Variants in USP14 observed in about 807,000 individuals in gnomAD.
USP14 encodes the protein ubiquitin specific peptidase 14, also known as ubiquitin carboxyl-terminal hydrolase 14.
A neutral mutation model predicts 76.5 loss-of-function variants in USP14; 38 were observed. The ratio of observed to expected loss-of-function variants is 0.50; its 90% CI spans 0.38 to 0.65. The LOEUF (loss-of-function observed/expected upper bound fraction) is 0.65, where lower values mean the gene tolerates loss of function less well. Among genes scored for constraint, USP14 ranks in the 30% least tolerant of loss-of-function variants. USP14 has a pLI of 0.00. For missense variants in USP14, 467 were observed against 586.5 expected, an observed-to-expected ratio of 0.80 and a Z score of 2.10; for synonymous variants, 192 against 191.7, an observed-to-expected ratio of 1.00 and a Z score of -0.01.
Position 210,014 on chromosome 18 carries a change from C to T in USP14, c.1208C>T (p.Pro403Leu). 6 of 1,603,200 alleles carry T rather than the reference C, an allele frequency of 3.7e-6. No homozygotes were observed. The highest frequency in any genetic ancestry group is 2.3e-5 in the East Asian group (1 of 44,312). The change falls in exon 14 of 16, where the codon CCC becomes CTC. Residue 403 changes from proline (P) to leucine (L), a missense_variant. Coordinates refer to ENST00000261601, the MANE Select transcript of USP14 (RefSeq NM_005151.4). ...SSPQKEVKYEPFSFADDIGSN... is the reference protein window; with the variant it reads ...SSPQKEVKYELFSFADDIGSN... ...CCCCAGAAAGAAGTTAAGTATGAAC[C>T]CTTTTCTTTTGCTGATGGTAAGTAA...
rs1482792540 is a variant in USP14, at chr18:203,100, C to T, written c.945C>T (p.Ser315=). 6.2e-7 allele frequency: 1 copy of T among 1,613,914 alleles called. No homozygotes were observed. Among genetic ancestry groups the T allele is most frequent in the South Asian group, 1.1e-5 (1 of 90,982 alleles). The change falls in exon 12 of 16, where the codon TCC becomes TCT. Residue 315 remains serine, a splice_region_variant and synonymous_variant. Coordinates refer to ENST00000261601, the MANE Select transcript of USP14 (RefSeq NM_005151.4). ...TTCTTTACATTTTGTCTCCTCAGTC[C>T]AAGATCAGCCGGCTGCCTGCTTACT... The part of the protein sequence containing the change: ...LQRNALYIKS[S]KISRLPAYLT...
chr18:201,695 T>C (rs1215105409), intron 10 of USP14, among the ~76,000 whole-genome samples: 1 of 152,038 alleles, frequency 6.6e-6, no homozygotes, highest in Non-Finnish European at 1.5e-5. Flanking sequence ...AACTGGAGAG[T>C]GTGGAGTGGA....
intron 5 of USP14, among the ~76,000 whole-genome samples, chr18:185,701 T>C (rs1424374577): frequency 6.6e-6 from 1 of 151,992 alleles, no homozygotes; most frequent in African/African-American, 2.4e-5. Context: ...AATTTTAAAT[T>C]ATTTTTTATT....
intron 4 of USP14, among the ~76,000 whole-genome samples, chr18:179,418 T>C (rs1280320219): frequency 1.3e-5 from 2 of 152,104 alleles, no homozygotes; most frequent in Non-Finnish European, 2.9e-5. Flanking sequence ...GTAGTTTAAA[T>C]GTTGGGATAT....
intron 3 of USP14, among the ~76,000 whole-genome samples, chr18:167,231 G>A (rs1471313722): frequency 6.6e-6 from 1 of 152,114 alleles, no homozygotes; most frequent in Non-Finnish European, 1.5e-5. Flanking sequence ...GCAGTGAGCC[G>A]AGATCGTGCC....
In USP14 at chr18:196,584, G is replaced by A. The variant is rs912122671; in HGVS notation, c.464-53G>A. On this transcript the variant is annotated intron_variant, in intron 6 of 15. Coordinates refer to ENST00000261601, the MANE Select transcript of USP14 (RefSeq NM_005151.4). ...TTAATTAAAATTAATTTACAGTCGC[G>A]TGTATTAAATATGTGACTGTTTTAC... The A allele has an allele frequency of 2.3e-4, 351 of 1,535,762 alleles. 1 individual carries two copies. The highest frequency in any genetic ancestry group is 3.8e-4 in the African/African-American group (27 of 71,078).
chr18:197,968 A>G (rs1428317584), intron 8 of USP14, 79 bp from the exon 9 acceptor site: 1 of 1,236,968 alleles, frequency 8.1e-7, no homozygotes, highest in Non-Finnish European at 1.1e-6. Flanking sequence ...AAAAATATGT[A>G]TTACTAAACT....
chr18:164,242 G>A (rs2144208272), intron 2 of USP14, among the ~76,000 whole-genome samples: 1 of 152,032 alleles, frequency 6.6e-6, no homozygotes, highest in African/African-American at 2.4e-5. Context: ...TCTGTAATGA[G>A]GTTGGAAAAT....
At position 172,469 on chromosome 18, in the gene USP14, G is replaced by A. The variant is rs140672218; in HGVS notation, c.195+5650G>A. 2.6e-3 allele frequency among the ~76,000 whole-genome samples: 394 copies of A among 152,304 alleles called. 3 individuals are homozygous for A. The highest frequency in any genetic ancestry group is 9.1e-3 in the African/African-American group (379 of 41,568). Reference sequence around the variant, plus strand: ...ATAAAGCAGCAGCAGGATTTGAGAGGTTTGACTCCAGTTTCGAAAGAAGTC... The same window carrying A: ...ATAAAGCAGCAGCAGGATTTGAGAGATTTGACTCCAGTTTCGAAAGAAGTC... On this transcript the variant is annotated intron_variant, in intron 3 of 15. Transcript: ENST00000261601.
At chr18:171,268 A>AAGCCTTTCAT (rs962476437) in intron 3 of USP14, among the ~76,000 whole-genome samples, 6 of 151,962 alleles carry the variant, frequency 3.9e-5, no homozygotes, top group South Asian at 4.1e-4. Flanking sequence ...GATGCTGTCT[A>AAGCCTTTCAT]AGCCTTTCAT....
At chr18:200,194 A>T (rs891251286) in intron 10 of USP14, among the ~76,000 whole-genome samples, 2 of 152,148 alleles carry the variant, frequency 1.3e-5, no homozygotes, top group Non-Finnish European at 2.9e-5. Context: ...AGTTGTTTTC[A>T]TGGGCCCTAT....
At chr18:170,459 G>C (rs891567136) in intron 3 of USP14, among the ~76,000 whole-genome samples, 1 of 152,174 alleles carries the variant, frequency 6.6e-6, no homozygotes, top group Non-Finnish European at 1.5e-5. Context: ...CAGTCCAAAA[G>C]CTAGGCATTT....
rs1391390880 is a variant in USP14 at position 158,673 on chromosome 18, GCCGCCGCCTC to G, written c.-18_-9del. The G allele has an allele frequency of 3.9e-6, 6 of 1,519,266 alleles. No homozygotes were observed. The highest frequency in any genetic ancestry group is 5.3e-6 in the Non-Finnish European group (6 of 1,141,652). The allele number at this position is 1,519,266 out of a possible 1,614,324, so 94.1% of individuals were successfully genotyped here. A position where few individuals can be genotyped will look rare whatever the true frequency, so the allele number is the denominator to read the frequency against. Reference sequence around the variant, plus strand: ...CCCTCGTCAGGCCCAGCTCTCCTGCGCCGCCGCCTCCCGCCGCGCCCCGCCATGCCGCTCT... The same window carrying G: ...CCCTCGTCAGGCCCAGCTCTCCTGCGCCGCCGCGCCCCGCCATGCCGCTCT... On this transcript the variant is annotated 5_prime_UTR_variant, in exon 1 of 16. Transcript: ENST00000261601.
intron 3 of USP14, among the ~76,000 whole-genome samples, chr18:178,113 C>T (rs1192757674): frequency 6.6e-6 from 1 of 152,102 alleles, no homozygotes; most frequent in Non-Finnish European, 1.5e-5. Flanking sequence ...CTCAACCTCC[C>T]AGGCTCCAGT....
At chr18:201,891 A>G (rs762856389) in intron 10 of USP14, among the ~76,000 whole-genome samples, 2 of 152,160 alleles carry the variant, frequency 1.3e-5, no homozygotes, top group Non-Finnish European at 2.9e-5. Flanking sequence ...AACTTTTAAG[A>G]TATTTTATCT....
chr18:193,357 T>C (rs1910144056), intron 6 of USP14, among the ~76,000 whole-genome samples: 1 of 152,160 alleles, frequency 6.6e-6, no homozygotes, highest in Non-Finnish European at 1.5e-5. Flanking sequence ...ATTTTGGACA[T>C]TTTAATACTG....
intron 3 of USP14, among the ~76,000 whole-genome samples, chr18:167,214 G>A (rs568614257): frequency 1.3e-5 from 2 of 152,220 alleles, no homozygotes; most frequent in East Asian, 1.9e-4. Context: ...CCTGGGAGGC[G>A]GAGATTGCAG....
At position 166,794 on chromosome 18, in the gene USP14, A is replaced by G. The variant is rs1405720641; in HGVS notation, c.170A>G (p.Asp57Gly). Residue 57 changes from aspartate (D) to glycine (G), a missense_variant, in exon 3 of 16, where the codon GAT (aspartate) becomes GGT (glycine). Transcript: ENST00000261601. ...MVKGGTLKDD[D>G]WGNIKIKNGM... is the part of the protein sequence containing the mutation. Reference sequence around the variant, plus strand: ...TGTTTGTCTTTGAAACAGGATGATGATTGGGGAAACATCAAAATAAAAAAT... The same window carrying G: ...TGTTTGTCTTTGAAACAGGATGATGGTTGGGGAAACATCAAAATAAAAAAT... The G allele has an allele frequency of 3.1e-6, 5 of 1,612,156 alleles. No individual in the cohort carries two copies. In the Admixed American group the frequency reaches 8.3e-5, roughly 27 times the overall value.
Position 210,496 on chromosome 18 carries a change from A to G in USP14, c.1333+3A>G. On this transcript the variant is annotated splice_donor_region_variant and intron_variant, in intron 15 of 15. Coordinates refer to ENST00000261601, the MANE Select transcript of USP14 (RefSeq NM_005151.4). Reference sequence around the variant, plus strand: ...ATCATGGGTGAAAAGGAAACAAGGTAAAGGGTATTCTTTTTTCAACTGTTC... The same window carrying G: ...ATCATGGGTGAAAAGGAAACAAGGTGAAGGGTATTCTTTTTTCAACTGTTC... 6.4e-7 allele frequency: 1 copy of G among 1,565,048 alleles called. No homozygotes were observed. The highest frequency in any genetic ancestry group is 8.7e-7 in the Non-Finnish European group (1 of 1,144,334).
Sources: gnomAD v4.1 joint callset for allele counts (sites outside exome capture counted in the v4.1 genomes callset) on GRCh38, gnomAD v4.1.1 for gene constraint, MANE v1.5 for transcripts, NCBI Gene and HGNC (gene_info 2026-07-23, HGNC 2026-07-21) for gene names.